Variants in SLAIN2 observed in about 807,000 individuals in gnomAD.
The protein encoded by SLAIN2 is SLAIN motif-containing protein 2.
Under a neutral mutation model 56.6 loss-of-function variants are expected in SLAIN2, and 31 were observed. That is an observed-to-expected ratio of 0.55 (90% CI 0.41 to 0.74). The LOEUF is 0.74. SLAIN2 is among the 30% of genes least tolerant of loss of function. The probability of loss-of-function intolerance (pLI) is 0.00; values close to 1 mark genes in which losing one functional copy is unlikely to be tolerated. For synonymous variants in SLAIN2, 317 were observed against 284.9 expected (o/e 1.11, Z -1.13); for missense variants, 777 against 754.2 (o/e 1.03, Z -0.35).
chr4:48,386,853 A>AT (rs1380145301), intron 6 of SLAIN2, among the ~76,000 whole-genome samples: 1 of 152,178 alleles, frequency 6.6e-6, no homozygotes, highest in Non-Finnish European at 1.5e-5. Flanking sequence ...TGATGCAAAA[A>AT]AAACCACCCA....
Position 48,420,411 on chromosome 4 carries a change from G to A in SLAIN2, c.1647G>A (p.Val549=). The A allele has an allele frequency of 6.2e-7, 1 of 1,613,946 alleles. No individual in the cohort carries two copies. Among genetic ancestry groups the A allele is most frequent in the African/African-American group, 1.3e-5 (1 of 75,062 alleles). ...PSAPSAGGIP[V]PRSKLAQPVR... is the part of the protein sequence containing the mutation. ...CCCCTTCTGCTGGGGGCATACCAGT[G>A]CCTCGCAGCAAACTTGCACAGCCTG... is the stretch of plus-strand genomic sequence containing the variant. The change falls in exon 7 of 8, where the codon GTG becomes GTA. Residue 549 remains valine, a synonymous_variant. Transcript: ENST00000264313.
Position 48,358,921 on chromosome 4 carries a change from A to G in SLAIN2, c.390-10928A>G, listed in dbSNP as rs1030848353. 6.8e-4 allele frequency among the ~76,000 whole-genome samples: 101 copies of G among 148,720 alleles called. 1 individual carries two copies. Among genetic ancestry groups the G allele is most frequent in the Non-Finnish European group, 9.8e-4 (66 of 67,042 alleles). Reference sequence around the variant, plus strand: ...TTTTTACTAGAGATGGATTTTCACAATGTTGGCCAGGTTGGTCTTGAACTC... The same window carrying G: ...TTTTTACTAGAGATGGATTTTCACAGTGTTGGCCAGGTTGGTCTTGAACTC... On this transcript the variant is annotated intron_variant, in intron 1 of 7. Coordinates refer to ENST00000264313, the MANE Select transcript of SLAIN2 (RefSeq NM_020846.2).
Position 48,382,596 on chromosome 4 carries a change from G to T in SLAIN2, c.891G>T (p.Thr297=), listed in dbSNP as rs762908281. The T allele has an allele frequency of 3.8e-6, 6 of 1,588,304 alleles. No individual in the cohort carries two copies. Among genetic ancestry groups the T allele is most frequent in the Non-Finnish European group, 4.3e-6 (5 of 1,159,892 alleles). The part of the protein sequence containing the change: ...ESLRQEYAAT[T]SRRSSGSSCN... ...TCCGGCAAGAATATGCAGCCACCAC[G>T]TCTCGGCGCAGTTCTGGTTCATCTT... is the stretch of plus-strand genomic sequence containing the variant. Residue 297 remains threonine, a synonymous_variant, in exon 5 of 8, where the codon ACG becomes ACT. Transcript: ENST00000264313.
At chr4:48,401,069 A>G (rs1453748102) in intron 6 of SLAIN2, among the ~76,000 whole-genome samples, 2 of 152,206 alleles carry the variant, frequency 1.3e-5, no homozygotes, top group Admixed American at 6.5e-5. Flanking sequence ...TTTCAGGAAC[A>G]GGTTGTTCAC....
chr4:48,383,645 A>G lies in SLAIN2; in HGVS notation c.1223-2A>G. 1 of 1,524,676 alleles carries G rather than the reference A, an allele frequency of 6.6e-7. No homozygotes were observed. The highest frequency in any genetic ancestry group is 8.9e-7 in the Non-Finnish European group (1 of 1,129,148). 94.4% of individuals were successfully genotyped at this position (1,524,676 alleles called of 1,614,324 possible). On this transcript the variant is annotated splice_acceptor_variant, in intron 5 of 7. Transcript: ENST00000264313. LOFTEE classifies it high-confidence loss of function. Reference sequence around the variant, plus strand: ...TTTTTTAAAATTAAAATTCTGTTGCAGAAAAACTAAGACGCAGTCTTCCAA... The same window carrying G: ...TTTTTTAAAATTAAAATTCTGTTGCGGAAAAACTAAGACGCAGTCTTCCAA...
intron 1 of SLAIN2, among the ~76,000 whole-genome samples, chr4:48,345,729 TGTTA>T (rs201570887): frequency 0.025 from 3,837 of 152,246 alleles, 112 homozygotes; most frequent in Admixed American, 0.092. Context: ...AATTTCCTTT[TGTTA>T]GTTTTTATTT....
chr4:48,424,231 A>T lies in SLAIN2; in HGVS notation c.*2154A>T, dbSNP rs1717241766. On this transcript the variant is annotated 3_prime_UTR_variant, in exon 8 of 8. Transcript: ENST00000264313. ...GTATTATTTTACCTGCTGTTGTACTACCACAGACTGTTGACTTTTAGTTTC... is the reference window on the plus strand; with the variant it reads ...GTATTATTTTACCTGCTGTTGTACTTCCACAGACTGTTGACTTTTAGTTTC... The T allele has an allele frequency of 1.3e-5, 2 of 152,110 alleles. No homozygotes were observed. Among genetic ancestry groups the T allele is most frequent in the Admixed American group, 1.3e-4 (2 of 15,264 alleles). 9.4% of individuals were successfully genotyped at this position (152,110 alleles called of 1,614,324 possible). A position where few individuals can be genotyped will look rare whatever the true frequency, so the allele number is the denominator to read the frequency against.
chr4:48,399,342 C>T (rs1232248336), intron 6 of SLAIN2, among the ~76,000 whole-genome samples: 1 of 152,112 alleles, frequency 6.6e-6, no homozygotes, highest in Non-Finnish European at 1.5e-5. Flanking sequence ...GTGATTTTTG[C>T]ACATTGATTT....
At chr4:48,371,297 TC>T (rs1715658371) in intron 2 of SLAIN2, among the ~76,000 whole-genome samples, 1 of 152,044 alleles carries the variant, frequency 6.6e-6, no homozygotes, top group Non-Finnish European at 1.5e-5. Context: ...GGTCTTGAAC[TC>T]CCGACCTCAG....
chr4:48,380,267 C>G (rs188394750), intron 4 of SLAIN2, among the ~76,000 whole-genome samples: 74 of 152,174 alleles, frequency 4.9e-4, no homozygotes, highest in Non-Finnish European at 1.0e-3. Context: ...CTCCCACACT[C>G]CCCATGAAAT....
intron 6 of SLAIN2, among the ~76,000 whole-genome samples, chr4:48,390,935 A>C (rs1284429564): frequency 6.6e-6 from 1 of 152,246 alleles, no homozygotes; most frequent in African/African-American, 2.4e-5. Context: ...AATCTTCAGC[A>C]TAAGGATAAG....
intron 6 of SLAIN2, among the ~76,000 whole-genome samples, chr4:48,402,306 AATTTGATTATTG>A (rs1413677462): frequency 6.6e-6 from 1 of 151,184 alleles, no homozygotes; most frequent in Non-Finnish European, 1.5e-5. Context: ...GGATTTCCTG[AATTTGATTATTG>A]ACCTTGTCTT....
chr4:48,369,249 C>T (rs972521951), intron 1 of SLAIN2, among the ~76,000 whole-genome samples: 6 of 152,152 alleles, frequency 3.9e-5, no homozygotes, highest in African/African-American at 1.4e-4. Context: ...CTCAACTTTT[C>T]CTTTCTGTAT....
intron 1 of SLAIN2, among the ~76,000 whole-genome samples, chr4:48,354,615 C>G: frequency 6.6e-6 from 1 of 151,736 alleles, no homozygotes; most frequent in Non-Finnish European, 1.5e-5. Flanking sequence ...TACAGACACC[C>G]ACCACCACAT....
At chr4:48,404,468 A>C (rs1331321902) in intron 6 of SLAIN2, among the ~76,000 whole-genome samples, 1 of 152,064 alleles carries the variant, frequency 6.6e-6, no homozygotes, top group African/African-American at 2.4e-5. Context: ...CTCCTCTTAC[A>C]GTTGTGTTCA....
In SLAIN2 at chr4:48,423,143, G is replaced by C. The variant is rs1238089205; in HGVS notation, c.*1066G>C. Reference sequence around the variant, plus strand: ...ACATGGCATAACGGTCTATTATGTGGTAGGAAAATATAGCCTGCTAAATCC... The same window carrying C: ...ACATGGCATAACGGTCTATTATGTGCTAGGAAAATATAGCCTGCTAAATCC... On this transcript the variant is annotated 3_prime_UTR_variant, in exon 8 of 8. Coordinates refer to ENST00000264313, the MANE Select transcript of SLAIN2 (RefSeq NM_020846.2). 6.6e-6 allele frequency: 1 copy of C among 152,128 alleles called. No individual in the cohort carries two copies. The highest frequency in any genetic ancestry group is 6.6e-5 in the Admixed American group (1 of 15,264). 9.4% of individuals were successfully genotyped at this position (152,128 alleles called of 1,614,324 possible).
At chr4:48,389,471 A>G (rs574631564) in intron 6 of SLAIN2, among the ~76,000 whole-genome samples, 1 of 152,312 alleles carries the variant, frequency 6.6e-6, no homozygotes, top group South Asian at 2.1e-4. Context: ...GGTATATGTT[A>G]TATTTCCAGC....
intron 7 of SLAIN2, among the ~76,000 whole-genome samples, chr4:48,421,197 G>A (rs1717146797): frequency 6.6e-6 from 1 of 151,986 alleles, no homozygotes; most frequent in African/African-American, 2.4e-5. Flanking sequence ...TGTAGAGATG[G>A]GGTTTTACCA....
intron 7 of SLAIN2, among the ~76,000 whole-genome samples, chr4:48,421,609 GA>G (rs555263006): frequency 3.7e-4 from 57 of 152,226 alleles, no homozygotes; most frequent in African/African-American, 1.3e-3. Flanking sequence ...AAGTATGTCT[GA>G]CTTTGGAGCT....
Sources: gnomAD v4.1 joint callset for allele counts (sites outside exome capture counted in the v4.1 genomes callset) on GRCh38, gnomAD v4.1.1 for gene constraint, MANE v1.5 for transcripts, NCBI Gene and HGNC (gene_info 2026-07-23, HGNC 2026-07-21) for gene names.